The following PCDHGA4 variants were observed in gnomAD, a reference collection of about 807,000 sequenced individuals.
The protein encoded by PCDHGA4 is protocadherin gamma-A4.
PCDHGA4 carries 38 observed loss-of-function variants against 54.6 expected under a neutral mutation model. The observed-to-expected ratio is 0.70, with a 90% CI of 0.54 to 0.91. The LOEUF is 0.91. Ranked by LOEUF, PCDHGA4 falls within the 40% of genes least tolerant of loss-of-function variation. PCDHGA4 has a pLI of 0.00. For missense variants in PCDHGA4, 1,298 were observed against 1,220.9 expected (o/e 1.06, Z -0.94); for synonymous variants, 511 against 512.9 (o/e 1.00, Z 0.05).
intron 1 of PCDHGA4, chr5:141,427,630 T>C (rs1043983899): frequency 2.8e-6 from 2 of 702,530 alleles, no homozygotes; most frequent in African/African-American, 1.7e-5. Context: ...AATGCTCCGG[T>C]TTTCCACCAA....
intron 1 of PCDHGA4, chr5:141,366,751 G>T: frequency 6.2e-7 from 1 of 1,607,656 alleles, no homozygotes; most frequent in Non-Finnish European, 8.5e-7. Context: ...GGCGAGTTCA[G>T]GTTAGTTTTC....
chr5:141,375,376 T>C (rs369693089), intron 1 of PCDHGA4: 1 of 1,613,930 alleles, frequency 6.2e-7, no homozygotes, highest in Non-Finnish European at 8.5e-7. Flanking sequence ...GAACACCACC[T>C]CTGTCTACAG....
At chr5:141,414,704 C>A (rs778708386) in intron 1 of PCDHGA4, 8 of 1,614,036 alleles carry the variant, frequency 5.0e-6, no homozygotes, top group Non-Finnish European at 5.9e-6. Flanking sequence ...TCATACATAT[C>A]CATCAACTCA....
At chr5:141,473,501 G>C (rs1053399138) in intron 1 of PCDHGA4, among the ~76,000 whole-genome samples, 7 of 152,188 alleles carry the variant, frequency 4.6e-5, no homozygotes, top group African/African-American at 1.7e-4. Context: ...GGTGTTCTGA[G>C]AGAGCATAAC....
At chr5:141,368,697 G>A (rs1765805391) in intron 1 of PCDHGA4, among the ~76,000 whole-genome samples, 1 of 152,072 alleles carries the variant, frequency 6.6e-6, no homozygotes, top group Admixed American at 6.5e-5. Flanking sequence ...ACTATAAAAT[G>A]CTTGATCCAT....
intron 1 of PCDHGA4, chr5:141,415,066 C>T (rs777981621): frequency 1.4e-5 from 23 of 1,613,410 alleles, no homozygotes; most frequent in Non-Finnish European, 1.9e-5. Flanking sequence ...GGGCGAGGTG[C>T]GCACGGCGCG....
chr5:141,421,043 C>G (rs1201118615), intron 1 of PCDHGA4: 2 of 548,238 alleles, frequency 3.6e-6, no homozygotes, highest in Non-Finnish European at 6.3e-6. Flanking sequence ...CCTCCCTCCC[C>G]CGCCTCTACC....
chr5:141,499,881 T>A (rs2099795027), intron 2 of PCDHGA4, among the ~76,000 whole-genome samples: 1 of 152,082 alleles, frequency 6.6e-6, no homozygotes, highest in African/African-American at 2.4e-5. Flanking sequence ...ACAAACAGGG[T>A]TTCGCCATGT....
At chr5:141,416,652 A>T (rs1028914487) in intron 1 of PCDHGA4, 1 of 152,240 alleles carries the variant, frequency 6.6e-6, no homozygotes, top group Non-Finnish European at 1.5e-5. Context: ...ACAGCTGTAA[A>T]AAAGAAAAGA....
intron 1 of PCDHGA4, chr5:141,423,316 G>C (rs1424301976): frequency 1.2e-6 from 2 of 1,614,044 alleles, no homozygotes; most frequent in Non-Finnish European, 1.7e-6. Context: ...CTTGGTGGTG[G>C]CGGTGGCCGC....
In PCDHGA4 at chr5:141,493,550, T is replaced by C. The variant is rs978188511; in HGVS notation, c.2515-1257T>C. On this transcript the variant is annotated intron_variant, in intron 1 of 3. Coordinates refer to ENST00000571252, the MANE Select transcript of PCDHGA4 (RefSeq NM_018917.4). This position sits in a 1 kb window ranked among gnomAD's most constrained non-coding sequence, Gnocchi z 4.3. Reference sequence around the variant, plus strand: ...ACTTGGCCAGTTATCCTTTTGGAGATTGAGTTCCCCCAGCTCCGTTTCCTC... The same window carrying C: ...ACTTGGCCAGTTATCCTTTTGGAGACTGAGTTCCCCCAGCTCCGTTTCCTC... Among the ~76,000 whole-genome samples the C allele has an allele frequency of 1.3e-5, 2 of 152,172 alleles. No homozygotes were observed. The highest frequency in any genetic ancestry group is 2.4e-5 in the African/African-American group (1 of 41,430).
chr5:141,424,504 G>A (rs1357608806), intron 1 of PCDHGA4: 2 of 152,134 alleles, frequency 1.3e-5, no homozygotes, highest in East Asian at 1.9e-4. Flanking sequence ...TGTATGGAAG[G>A]TTTTTTAATG....
chr5:141,415,499 C>G (rs2095876120), intron 1 of PCDHGA4: 1 of 1,614,098 alleles, frequency 6.2e-7, no homozygotes, highest in Non-Finnish European at 8.5e-7. Context: ...CTGATCTTCC[C>G]CCAGCCCAAT....
chr5:141,372,511 C>T, intron 1 of PCDHGA4: 3 of 1,614,022 alleles, frequency 1.9e-6, no homozygotes, highest in Non-Finnish European at 2.5e-6. Context: ...TTCCTCCTCG[C>T]GGTGATTCTG....
rs770354956 is a variant in PCDHGA4, at chr5:141,399,731, C to T, written c.2514+42110C>T. Reference sequence around the variant, plus strand: ...ACACTACAGGCCCGCGACCAGGGCTCGCCTGCGCTCAGCGCAAACGTGAGC... The same window carrying T: ...ACACTACAGGCCCGCGACCAGGGCTTGCCTGCGCTCAGCGCAAACGTGAGC... On this transcript the variant is annotated intron_variant, in intron 1 of 3. Transcript: ENST00000571252. 229 of 1,613,292 alleles carry T rather than the reference C, an allele frequency of 1.4e-4. No homozygotes were observed. The highest frequency in any genetic ancestry group is 1.8e-4 in the Non-Finnish European group (217 of 1,179,878).
intron 1 of PCDHGA4, chr5:141,422,116 T>A (rs753281558): frequency 2.5e-6 from 4 of 1,604,730 alleles, no homozygotes; most frequent in Non-Finnish European, 3.4e-6. Context: ...CCAATTGGAT[T>A]CACAAACTGG....
chr5:141,415,772 T>TTTTA, intron 1 of PCDHGA4: 1 of 1,332,982 alleles, frequency 7.5e-7, no homozygotes, highest in Non-Finnish European at 9.6e-7. Context: ...TTTTTTTTTT[T>TTTTA]ACTTTCTGGT....
chr5:141,364,856 C>G (rs748996283), intron 1 of PCDHGA4: 1 of 1,614,006 alleles, frequency 6.2e-7, no homozygotes, highest in Non-Finnish European at 8.5e-7. Flanking sequence ...CAGCTCCAAT[C>G]TGCACTTCTC....
chr5:141,423,297 C>G lies in PCDHGA4; in HGVS notation c.2514+65676C>G, dbSNP rs1322889810. 3 of 1,614,170 alleles carry G rather than the reference C, an allele frequency of 1.9e-6. 1 individual carries two copies. The South Asian group carries it at 3.3e-5, about 18-fold the overall frequency. The stretch of plus-strand genomic sequence containing the variant: ...TGGCTAACTCTGAAACCTCAGACCT[C>G]TCGCTGTACTTGGTGGTGGCGGTGG... On this transcript the variant is annotated intron_variant, in intron 1 of 3. Transcript: ENST00000571252.
Sources: gnomAD v4.1 joint callset for allele counts (sites outside exome capture counted in the v4.1 genomes callset) on GRCh38, gnomAD v4.1.1 for gene constraint, Gnocchi (gnomAD v3.1) non-coding constraint, MANE v1.5 for transcripts, NCBI Gene and HGNC (gene_info 2026-07-23, HGNC 2026-07-21) for gene names.